Variants in SLC26A5 observed in about 807,000 individuals in gnomAD.
SLC26A5 encodes the protein solute carrier family 26 member 5, also known as prestin.
Under a neutral mutation model 81.0 loss-of-function variants are expected in SLC26A5, and 51 were observed. That is an observed-to-expected ratio of 0.63 (90% confidence interval 0.50 to 0.80). SLC26A5 has a LOEUF of 0.80. Ranked by LOEUF, SLC26A5 falls within the 30% of genes least tolerant of loss-of-function variation. The pLI, the probability that SLC26A5 is intolerant of heterozygous loss-of-function variation, is 0.00. For synonymous variants in SLC26A5, 325 were observed against 332.8 expected (o/e 0.98, Z 0.25); for missense variants, 771 against 905.8 (o/e 0.85, Z 1.91).
At chr7:103,406,243 G>T (rs1351904165) in intron 8 of SLC26A5, among the ~76,000 whole-genome samples, 1 of 152,130 alleles carries the variant, frequency 6.6e-6, no homozygotes, top group Non-Finnish European at 1.5e-5. Context: ...AACTCCTGCA[G>T]CTAGCTCAGT....
chr7:103,352,809 C>T (rs1819795190), exon 20 of SLC26A5: 2 of 780,328 alleles, frequency 2.6e-6, no homozygotes, highest in Non-Finnish European at 4.8e-6. Flanking sequence ...GGTCACCCCA[C>T]TAACAGATTC....
At chr7:103,420,550 C>T (rs1825267402) in intron 4 of SLC26A5, among the ~76,000 whole-genome samples, 188 bp downstream of exon 4, 1 of 152,124 alleles carries the variant, frequency 6.6e-6, no homozygotes, top group Admixed American at 6.5e-5. Flanking sequence ...ATCCTCCCAC[C>T]TTGGCCTTCC....
At chr7:103,412,111 A>C (rs1441250723) in intron 5 of SLC26A5, among the ~76,000 whole-genome samples, 1 of 152,200 alleles carries the variant, frequency 6.6e-6, no homozygotes, top group Non-Finnish European at 1.5e-5. Flanking sequence ...TACCCAGACC[A>C]GCCCTTCCCA....
At chr7:103,433,745 C>G (rs1327980682) in intron 2 of SLC26A5, among the ~76,000 whole-genome samples, 1 of 148,978 alleles carries the variant, frequency 6.7e-6, no homozygotes, top group East Asian at 2.0e-4. Context: ...CTCTGTCGCC[C>G]AGGCTGGTGT....
intron 8 of SLC26A5, among the ~76,000 whole-genome samples, chr7:103,400,446 C>A (rs1352763685): frequency 2.0e-5 from 3 of 152,066 alleles, no homozygotes; most frequent in African/African-American, 7.2e-5. Flanking sequence ...TGTTTAAGTT[C>A]CTTGTAGATT....
chr7:103,420,446 C>A (rs892397110), intron 4 of SLC26A5, among the ~76,000 whole-genome samples: 1 of 151,798 alleles, frequency 6.6e-6, no homozygotes, highest in African/African-American at 2.4e-5. Flanking sequence ...CAGGCATGCC[C>A]AGCTATGTTT....
chr7:103,355,644 T>C (rs771149027), intron 19 of SLC26A5: 32 of 1,362,818 alleles, frequency 2.3e-5, no homozygotes, highest in Admixed American at 1.2e-4. Flanking sequence ...AAGCTTATTA[T>C]AGGGTGATGC....
At chr7:103,428,587 A>G (rs1304314738) in intron 2 of SLC26A5, among the ~76,000 whole-genome samples, 1 of 144,606 alleles carries the variant, frequency 6.9e-6, no homozygotes, top group East Asian at 2.0e-4. Flanking sequence ...TTTGAAACAG[A>G]CACCTGCTCT....
At chr7:103,395,224 C>A (rs1313958775) in intron 9 of SLC26A5, among the ~76,000 whole-genome samples, 2 of 151,826 alleles carry the variant, frequency 1.3e-5, no homozygotes, top group African/African-American at 4.8e-5. Flanking sequence ...TCACAGGGAA[C>A]TGAAATGGTA....
intron 19 of SLC26A5, among the ~76,000 whole-genome samples, chr7:103,364,508 T>TA (rs2116249131): frequency 6.6e-6 from 1 of 152,274 alleles, no homozygotes; most frequent in Non-Finnish European, 1.5e-5. Context: ...TCTCTGGGCT[T>TA]AGGCGATCCT....
rs116765716 is a variant in SLC26A5 at position 103,399,714 on chromosome 7, C to T, written c.889-1700G>A. ...TTAGGTATTTCTCCTAATGCTATCCCTCCTCAGCCCCTGACCCATGGACAG... is the reference window on the plus strand; with the variant it reads ...TTAGGTATTTCTCCTAATGCTATCCTTCCTCAGCCCCTGACCCATGGACAG... On this transcript the variant is annotated intron_variant, in intron 8 of 19. Coordinates refer to ENST00000306312, the MANE Select transcript of SLC26A5 (RefSeq NM_198999.3). Among the ~76,000 whole-genome samples the T allele has an allele frequency of 9.6e-3, 1,456 of 152,258 alleles. 24 individuals carry two copies. Among genetic ancestry groups the T allele is most frequent in the African/African-American group, 0.033 (1,384 of 41,536 alleles).
chr7:103,361,824 C>A, intron 19 of SLC26A5: 3 of 845,000 alleles, frequency 3.6e-6, no homozygotes, highest in Non-Finnish European at 5.1e-6. Context: ...AGAAAAGGAT[C>A]TTTAACAGTG....
At chr7:103,434,018 AGCCTGGTGAACATCT>A (rs1428812361) in intron 2 of SLC26A5, among the ~76,000 whole-genome samples, 1 of 152,026 alleles carries the variant, frequency 6.6e-6, no homozygotes, top group Non-Finnish European at 1.5e-5. Context: ...ATTTTTTCTA[AGCCTGGTGAACATCT>A]GTCAACCTAC....
At chr7:103,377,251 A>G (rs867724700) in intron 18 of SLC26A5, among the ~76,000 whole-genome samples, 1 of 152,198 alleles carries the variant, frequency 6.6e-6, no homozygotes, top group African/African-American at 2.4e-5. Flanking sequence ...GTAGCCTAGC[A>G]TATTACAGTA....
chr7:103,389,441 C>G lies in SLC26A5; in HGVS notation c.1312-17G>C. ...CAGCACAGCCTGAAACAGAGCACAT[C>G]CCCCATGCCTCTCCTCTTGTGTCCA... On this transcript the variant is annotated splice_polypyrimidine_tract_variant and intron_variant, in intron 12 of 19. Coordinates refer to ENST00000306312, the MANE Select transcript of SLC26A5 (RefSeq NM_198999.3). The G allele has an allele frequency of 1.9e-6, 3 of 1,578,330 alleles. No individual in the cohort carries two copies. The highest frequency in any genetic ancestry group is 2.6e-6 in the Non-Finnish European group (3 of 1,147,486).
chr7:103,362,114 C>G lies in SLC26A5; in HGVS notation c.2042-9188G>C, dbSNP rs774771481. 2.2e-5 allele frequency: 35 copies of G among 1,610,658 alleles called. No homozygotes were observed. In the South Asian group the frequency reaches 3.5e-4, roughly 16 times the overall value. On this transcript the variant is annotated intron_variant, in intron 19 of 19. Coordinates refer to the SLC26A5 transcript ENST00000339444. ...GTAAGATTTCTATTTACAATAAATACTTTTCTTTCACTAAGGATACTGTCT... is the reference window on the plus strand; with the variant it reads ...GTAAGATTTCTATTTACAATAAATAGTTTTCTTTCACTAAGGATACTGTCT...
chr7:103,415,823 T>A (rs1824861080), intron 4 of SLC26A5, among the ~76,000 whole-genome samples: 1 of 152,198 alleles, frequency 6.6e-6, no homozygotes, highest in South Asian at 2.1e-4. Context: ...TTTCTCTCAG[T>A]CTGAAAACAC....
chr7:103,397,259 T>G (rs1823191847), intron 9 of SLC26A5, among the ~76,000 whole-genome samples: 1 of 151,824 alleles, frequency 6.6e-6, no homozygotes, highest in Admixed American at 6.6e-5. Context: ...ATATAAAAAT[T>G]AGCCGGGTGT....
intron 14 of SLC26A5, among the ~76,000 whole-genome samples, chr7:103,386,069 A>C (rs937498347): frequency 6.6e-6 from 1 of 151,876 alleles, no homozygotes; most frequent in African/African-American, 2.4e-5. Context: ...CTGGGATTAC[A>C]GGTGTGCACC....
Sources: allele counts gnomAD v4.1 joint callset (sites outside exome capture counted in the v4.1 genomes callset), GRCh38; gene constraint gnomAD v4.1.1; transcripts MANE v1.5; gene names NCBI Gene and HGNC (gene_info 2026-07-23, HGNC 2026-07-21).